Variants in NFXL1 observed in about 807,000 individuals in gnomAD.
The protein encoded by NFXL1 is nuclear transcription factor, X-box binding like 1, also known as NF-X1-type zinc finger protein NFXL1.
A neutral mutation model predicts 123.3 loss-of-function variants in NFXL1; 66 were observed. The observed-to-expected ratio is 0.54, with a 90% confidence interval of 0.44 to 0.66. The LOEUF (loss-of-function observed/expected upper bound fraction) is 0.66, where lower values mean the gene tolerates loss of function less well. NFXL1 is among the 30% of genes least tolerant of loss of function. NFXL1 has a pLI of 0.00. For synonymous variants in NFXL1, 346 were observed against 360.8 expected (o/e 0.96, Z 0.46); for missense variants, 944 against 1,125.6 (o/e 0.84, Z 2.31).
intron 15 of NFXL1, 60 bp downstream of exon 15, chr4:47,884,286 C>A: frequency 3.2e-6 from 3 of 940,210 alleles, no homozygotes; most frequent in South Asian, 1.5e-5. Flanking sequence ...CTTCAGATAC[C>A]CTTTAAGCTA....
chr4:47,887,797 A>G (rs544670904), intron 12 of NFXL1, among the ~76,000 whole-genome samples: 2 of 152,304 alleles, frequency 1.3e-5, no homozygotes, highest in East Asian at 1.9e-4. Context: ...CAATTTCTCT[A>G]AACAGTCTCC....
chr4:47,894,443 T>G, intron 10 of NFXL1, 141 bp from the exon 11 acceptor site: 1 of 498,610 alleles, frequency 2.0e-6, no homozygotes, highest in Non-Finnish European at 3.4e-6. Flanking sequence ...AAAAACCAAT[T>G]TGAATTTCCT....
chr4:47,898,661 T>C, intron 8 of NFXL1, 96 bp downstream of exon 8: 1 of 771,748 alleles, frequency 1.3e-6, no homozygotes, highest in Non-Finnish European at 2.3e-6. Context: ...TCCTTGCCTT[T>C]TATCCAACTA....
intron 18 of NFXL1, among the ~76,000 whole-genome samples, chr4:47,871,037 TG>T (rs1389804195): frequency 3.9e-5 from 6 of 152,150 alleles, no homozygotes; most frequent in African/African-American, 1.4e-4. Context: ...AATTAATAAA[TG>T]TAGAAGATGG....
At chr4:47,876,234 T>C (rs1278646511) in intron 17 of NFXL1, among the ~76,000 whole-genome samples, 2 of 152,162 alleles carry the variant, frequency 1.3e-5, no homozygotes, top group Non-Finnish European at 2.9e-5. Flanking sequence ...GATAGGCTCC[T>C]GGAACTTACA....
In NFXL1 at chr4:47,885,874, C is replaced by T; in HGVS notation, c.1664+5G>A. On this transcript the variant is annotated splice_donor_5th_base_variant and intron_variant, in intron 13 of 22. Coordinates refer to ENST00000507489, the MANE Select transcript of NFXL1 (RefSeq NM_001278624.2). ...ATGGAAGCTTGTGCAAAGCTTCAAA[C>T]TCACCTGCATTGCTCCTTGCACTTG... 6.2e-7 allele frequency: 1 copy of T among 1,609,474 alleles called. No homozygotes were observed. Among genetic ancestry groups the T allele is most frequent in the South Asian group, 1.1e-5 (1 of 89,564 alleles).
intron 15 of NFXL1, among the ~76,000 whole-genome samples, chr4:47,880,807 T>TAAAAAAAAAAAAAAAAAAAAAAAAG (rs57880960): frequency 1.3e-5 from 1 of 78,836 alleles, no homozygotes; most frequent in African/African-American, 4.7e-5. Context: ...AATTAATGAG[T>TAAAAAAAAAAAAAAAAAAAAAAAAG]AAAAAAAAAA....
chr4:47,865,183 C>T (rs548632123), intron 18 of NFXL1, among the ~76,000 whole-genome samples: 27 of 152,272 alleles, frequency 1.8e-4, no homozygotes, highest in Non-Finnish European at 3.7e-4. Flanking sequence ...AGAGGAAAAA[C>T]AGTTTGTGTT....
intron 18 of NFXL1, among the ~76,000 whole-genome samples, chr4:47,872,931 T>C (rs1157334748): frequency 6.6e-6 from 1 of 152,204 alleles, no homozygotes; most frequent in Non-Finnish European, 1.5e-5. Context: ...TTTCATAGCA[T>C]TTTACCCACA....
intron 2 of NFXL1, among the ~76,000 whole-genome samples, chr4:47,913,083 C>A (rs955417574): frequency 1.3e-5 from 2 of 150,938 alleles, no homozygotes; most frequent in Admixed American, 1.3e-4. Flanking sequence ...CTTATCATCA[C>A]GGCCATTAAC....
intron 19 of NFXL1, among the ~76,000 whole-genome samples, chr4:47,855,698 C>T (rs998352667): frequency 1.3e-5 from 2 of 152,022 alleles, no homozygotes; most frequent in Admixed American, 6.6e-5. Context: ...AAAGAAAATG[C>T]CCTGTCCTTA....
At chr4:47,870,605 A>G (rs79941704) in intron 18 of NFXL1, among the ~76,000 whole-genome samples, 2 of 66,644 alleles carry the variant, frequency 3.0e-5, no homozygotes, top group Non-Finnish European at 9.5e-5. Flanking sequence ...AACCCCAAGG[A>G]AAAAAAAAAT....
chr4:47,908,954 C>CAAAA (rs11457014), intron 3 of NFXL1, among the ~76,000 whole-genome samples: 10 of 90,434 alleles, frequency 1.1e-4, no homozygotes, highest in South Asian at 3.3e-4. Flanking sequence ...GACTCCGTCG[C>CAAAA]AAAAAAAAAA....
In NFXL1 at chr4:47,903,209, C is replaced by G; in HGVS notation, c.631G>C (p.Asp211His). ...SVTDDDFGKK[D>H]CPWPCPKCRF... Reference sequence around the variant, plus strand: ...AAAAGTTACCAAGGCCAGGGACAATCTTTCTTTCCAAAATCATCATCAGTC... The same window carrying G: ...AAAAGTTACCAAGGCCAGGGACAATGTTTCTTTCCAAAATCATCATCAGTC... Residue 211 changes from aspartate (D) to histidine (H), a missense_variant, in exon 5 of 23, where the codon GAT becomes CAT. Asp to His is a moderately conservative substitution (Grantham distance 81, BLOSUM62 -1). Transcript: ENST00000507489. The G allele has an allele frequency of 6.3e-7, 1 of 1,591,280 alleles. No homozygotes were observed. The highest frequency in any genetic ancestry group is 8.5e-7 in the Non-Finnish European group (1 of 1,170,864).
At position 47,855,294 on chromosome 4, in the gene NFXL1, T is replaced by C. The variant is rs543130723; in HGVS notation, c.2317-131A>G. 1.3e-5 allele frequency: 5 copies of C among 380,774 alleles called. No homozygotes were observed. The South Asian group carries it at 2.7e-4, about 21-fold the overall frequency. 23.6% of individuals were successfully genotyped at this position (380,774 alleles called of 1,614,324 possible). A position where few individuals can be genotyped will look rare whatever the true frequency, so the allele number is the denominator to read the frequency against. On this transcript the variant is annotated intron_variant, in intron 19 of 22. Transcript: ENST00000507489. The stretch of plus-strand genomic sequence containing the variant: ...ATCAATCCTAGCTAATGGGATAATT[T>C]GTAAACTATTTTTCTTTTAGATATA...
At chr4:47,861,107 C>T (rs978359928) in intron 19 of NFXL1, among the ~76,000 whole-genome samples, 2 of 151,726 alleles carry the variant, frequency 1.3e-5, no homozygotes, top group South Asian at 2.1e-4. Context: ...GTCATCCACC[C>T]GCCTCAGCCT....
chr4:47,891,389 G>A lies in NFXL1; in HGVS notation c.1453-686C>T, dbSNP rs192833235. Among the ~76,000 whole-genome samples, 144 of 152,180 alleles carry A rather than the reference G, an allele frequency of 9.5e-4. 2 individuals are homozygous for A. The South Asian group carries it at 0.022, about 23-fold the overall frequency. On this transcript the variant is annotated intron_variant, in intron 11 of 22. Transcript: ENST00000507489. Reference sequence around the variant, plus strand: ...GGCCTCCCAAAGTACTTGGATTATAGACATAAGCCACTGCTCCTGGCTTCG... The same window carrying A: ...GGCCTCCCAAAGTACTTGGATTATAAACATAAGCCACTGCTCCTGGCTTCG...
intron 18 of NFXL1, among the ~76,000 whole-genome samples, chr4:47,863,329 T>C (rs1734868359): frequency 6.6e-6 from 1 of 152,226 alleles, no homozygotes; most frequent in African/African-American, 2.4e-5. Context: ...TTAGGCTATT[T>C]GGTGAGAAAT....
chr4:47,864,721 G>A (rs1425622061), intron 18 of NFXL1, among the ~76,000 whole-genome samples: 2 of 152,150 alleles, frequency 1.3e-5, no homozygotes, highest in Non-Finnish European at 2.9e-5. Context: ...GTTCCTGGAG[G>A]GTGGCATGCA....
Sources: gnomAD v4.1 joint callset for allele counts (sites outside exome capture counted in the v4.1 genomes callset) on GRCh38, gnomAD v4.1.1 for gene constraint, MANE v1.5 for transcripts, NCBI Gene and HGNC (gene_info 2026-07-23, HGNC 2026-07-21) for gene names.